STK3: variants seen among roughly 807,000 people sequenced by gnomAD.
The protein encoded by STK3 is serine/threonine kinase 3.
STK3 carries 41 observed loss-of-function variants against 58.0 expected under a neutral mutation model. The ratio of observed to expected loss-of-function variants is 0.71; its 90% CI spans 0.55 to 0.92. The LOEUF (loss-of-function observed/expected upper bound fraction) is 0.92. Ranked by LOEUF, STK3 falls within the 40% of genes least tolerant of loss-of-function variation. STK3 has a pLI of 0.00. For missense variants in STK3, 479 were observed against 602.7 expected (o/e 0.79, Z 2.15); for synonymous variants, 170 against 191.0 (o/e 0.89, Z 0.91).
intron 10 of STK3, among the ~76,000 whole-genome samples, chr8:98,506,004 G>A (rs1824032983): frequency 6.6e-6 from 1 of 152,230 alleles, no homozygotes; most frequent in African/African-American, 2.4e-5. Flanking sequence ...GCCCCCAGAG[G>A]TGGGGTCTAT....
intron 2 of STK3, among the ~76,000 whole-genome samples, chr8:98,376,248 T>C (rs1817673228): frequency 6.6e-6 from 1 of 152,230 alleles, no homozygotes; most frequent in Non-Finnish European, 1.5e-5. Context: ...TAATGTCTTT[T>C]GCCCATTTTA....
At chr8:98,782,411 C>A in intron 1 of STK3, 2 of 247,844 alleles carry the variant, frequency 8.1e-6, no homozygotes, top group Non-Finnish European at 1.7e-5. Flanking sequence ...ACAGCCTGTA[C>A]CTGAAGGTAA....
chr8:98,404,282 A>G (rs1371858920), intron 3 of STK3, among the ~76,000 whole-genome samples: 1 of 152,170 alleles, frequency 6.6e-6, no homozygotes, highest in Non-Finnish European at 1.5e-5. Context: ...CATGCCTGTA[A>G]TCTCAGCACT....
chr8:98,634,460 A>T (rs1819488834), intron 6 of STK3, among the ~76,000 whole-genome samples: 1 of 152,128 alleles, frequency 6.6e-6, no homozygotes, highest in Non-Finnish European at 1.5e-5. Flanking sequence ...AGATCGTGCC[A>T]CTGCACTCTA....
At chr8:98,813,791 T>G (rs1834370377) in intron 1 of STK3, among the ~76,000 whole-genome samples, 1 of 152,206 alleles carries the variant, frequency 6.6e-6, no homozygotes, top group Non-Finnish European at 1.5e-5. Context: ...ATTCGCTTTC[T>G]TAATTACTAA....
intron 3 of STK3, among the ~76,000 whole-genome samples, chr8:98,402,409 C>T (rs373178408): frequency 4.4e-4 from 67 of 152,300 alleles, no homozygotes; most frequent in African/African-American, 1.5e-3. Context: ...TCCAAGGGAT[C>T]GGAGCTCCCT....
intron 6 of STK3, among the ~76,000 whole-genome samples, chr8:98,628,853 T>C (rs1340480181): frequency 6.9e-6 from 1 of 144,962 alleles, no homozygotes; most frequent in East Asian, 2.0e-4. Context: ...GGAATGTGCC[T>C]ATAAATGGAA....
intron 1 of STK3, chr8:98,905,415 C>G: frequency 7.8e-7 from 1 of 1,288,904 alleles, no homozygotes; most frequent in Admixed American, 1.7e-5. Context: ...ACAAGTGGGA[C>G]TGATGTTACC....
intron 6 of STK3, among the ~76,000 whole-genome samples, chr8:98,637,931 A>AATAGTAAATAGTGTTGTAG (rs1450595371): frequency 5.3e-5 from 8 of 152,186 alleles, no homozygotes; most frequent in Non-Finnish European, 7.3e-5. Context: ...ATTTTTAAAT[A>AATAGTAAATAGTGTTGTAG]TCTTATTAGG....
At chr8:98,796,543 T>C (rs1012226087) in intron 1 of STK3, among the ~76,000 whole-genome samples, 3 of 152,162 alleles carry the variant, frequency 2.0e-5, no homozygotes, top group East Asian at 1.9e-4. Context: ...AACACCATTC[T>C]GGACATCAGC....
At chr8:98,659,144 G>A (rs1287152993) in intron 6 of STK3, among the ~76,000 whole-genome samples, 1 of 151,958 alleles carries the variant, frequency 6.6e-6, no homozygotes, top group Non-Finnish European at 1.5e-5. Flanking sequence ...TTCTCAGAAT[G>A]TATTTCCATC....
At chr8:98,698,309 C>G (rs907434303) in intron 6 of STK3, among the ~76,000 whole-genome samples, 3 of 151,724 alleles carry the variant, frequency 2.0e-5, no homozygotes, top group African/African-American at 4.8e-5. Context: ...GGTCTTGACT[C>G]TTTATCCAAT....
At chr8:98,915,416 T>A (rs1311169984) in intron 1 of STK3, among the ~76,000 whole-genome samples, 1 of 130,550 alleles carries the variant, frequency 7.7e-6, no homozygotes, top group Non-Finnish European at 1.6e-5. Context: ...TGTGAGTTAA[T>A]ACTTAATAAA....
chr8:98,471,592 C>T (rs1418455447), intron 10 of STK3, among the ~76,000 whole-genome samples: 2 of 152,072 alleles, frequency 1.3e-5, no homozygotes, highest in African/African-American at 2.4e-5. Flanking sequence ...TTATTGAATA[C>T]TGTACTGAAC....
At chr8:98,700,592 G>A (rs189993082) in intron 6 of STK3, among the ~76,000 whole-genome samples, 166 of 152,306 alleles carry the variant, frequency 1.1e-3, no homozygotes, top group Middle Eastern at 3.4e-3. Context: ...TTTCCAGAAA[G>A]TTGACAAGTG....
At chr8:98,726,969 G>A (rs1050399792) in intron 4 of STK3, among the ~76,000 whole-genome samples, 4 of 152,152 alleles carry the variant, frequency 2.6e-5, no homozygotes, top group African/African-American at 9.7e-5. Context: ...TATTCCTGGT[G>A]TGTTTTGAAG....
chr8:98,450,159 C>T (rs952610456), downstream of STK3, among the ~76,000 whole-genome samples: 17 of 152,136 alleles, frequency 1.1e-4, no homozygotes, highest in African/African-American at 4.1e-4. Flanking sequence ...ATGATAGATT[C>T]TCCTCAGTGC....
chr8:98,927,861 A>G (rs1839860061), intron 1 of STK3, among the ~76,000 whole-genome samples: 1 of 152,236 alleles, frequency 6.6e-6, no homozygotes, highest in South Asian at 2.1e-4. Flanking sequence ...ATATATTATG[A>G]AAAGAAGGGA....
At chr8:98,719,434 A>C (rs938424046) in intron 4 of STK3, among the ~76,000 whole-genome samples, 13 of 152,198 alleles carry the variant, frequency 8.5e-5, no homozygotes, top group African/African-American at 3.1e-4. Flanking sequence ...GCTCTACTAA[A>C]GAATGTTCAG....
Sources: gnomAD v4.1 joint callset for allele counts (sites outside exome capture counted in the v4.1 genomes callset) on GRCh38, gnomAD v4.1.1 for gene constraint, MANE v1.5 for transcripts, NCBI Gene and HGNC (gene_info 2026-07-23, HGNC 2026-07-21) for gene names.